The following TTC21B variants were observed in gnomAD, a reference collection of about 807,000 sequenced individuals.
The protein encoded by TTC21B is tetratricopeptide repeat protein 21B.
TTC21B carries 127 observed loss-of-function variants against 175.1 expected under a neutral mutation model. That is an observed-to-expected ratio of 0.73 (90% CI 0.63 to 0.84). The LOEUF is 0.84. Ranked by LOEUF, TTC21B falls within the 40% of genes least tolerant of loss-of-function variation. The probability of loss-of-function intolerance (pLI) is 0.00; values close to 1 mark genes in which losing one functional copy is unlikely to be tolerated. For missense variants in TTC21B, 1,561 were observed against 1,558.3 expected (o/e 1.00, Z -0.03); for synonymous variants, 524 against 524.5 (o/e 1.00, Z 0.01).
intron 17 of TTC21B, 80 bp from the exon 18 acceptor site, chr2:165,911,545 T>C: frequency 6.5e-7 from 1 of 1,533,128 alleles, no homozygotes; most frequent in Non-Finnish European, 9.0e-7. Context: ...CATTACAGAC[T>C]TAAAGCATTG....
intron 3 of TTC21B, chr2:165,948,044 C>T (rs1468293432): frequency 6.6e-6 from 1 of 152,244 alleles, no homozygotes; most frequent in African/African-American, 2.4e-5. Context: ...GCTAAACACA[C>T]TCCCACTGGA....
At chr2:165,941,210 T>A (rs1371104920) in intron 5 of TTC21B, 26 bp from the exon 6 acceptor site, 4 of 1,613,250 alleles carry the variant, frequency 2.5e-6, no homozygotes, top group Admixed American at 1.7e-5. Context: ...AAAAGTGATA[T>A]CCAAACTGTG....
chr2:165,936,342 T>C (rs997987424), intron 6 of TTC21B, among the ~76,000 whole-genome samples: 5 of 151,974 alleles, frequency 3.3e-5, no homozygotes, highest in African/African-American at 1.2e-4. Flanking sequence ...ATGTAAAACA[T>C]AAAACTATAA....
At chr2:165,881,440 T>C (rs567120806) in intron 26 of TTC21B, among the ~76,000 whole-genome samples, 120 of 152,272 alleles carry the variant, frequency 7.9e-4, no homozygotes, top group Non-Finnish European at 1.3e-3. Flanking sequence ...GTCAATGTTT[T>C]GATCTAGTCT....
In TTC21B at chr2:165,873,585, C is replaced by G. The variant is rs1684573082; in HGVS notation, c.*1170G>C. On this transcript the variant is annotated 3_prime_UTR_variant, in exon 29 of 29. Coordinates refer to ENST00000243344, the MANE Select transcript of TTC21B (RefSeq NM_024753.5). ...TGCCTTCACATGGTGTGCTTTGTGACTCCCTGCTGACCAAAAGTATTTGGT... is the reference window on the plus strand; with the variant it reads ...TGCCTTCACATGGTGTGCTTTGTGAGTCCCTGCTGACCAAAAGTATTTGGT... The G allele has an allele frequency of 6.6e-6, 1 of 152,140 alleles. No homozygotes were observed. The highest frequency in any genetic ancestry group is 1.5e-5 in the Non-Finnish European group (1 of 68,040). 9.4% of individuals were successfully genotyped at this position (152,140 alleles called of 1,614,324 possible).
At chr2:165,911,079 G>C in intron 18 of TTC21B, among the ~76,000 whole-genome samples, 1 of 152,144 alleles carries the variant, frequency 6.6e-6, no homozygotes. Flanking sequence ...GTAATTTAAA[G>C]ATAACTATAT....
At chr2:165,890,101 A>G (rs1451631192) in intron 24 of TTC21B, among the ~76,000 whole-genome samples, 4 of 152,218 alleles carry the variant, frequency 2.6e-5, no homozygotes, top group Admixed American at 6.5e-5. Context: ...TGTAGAAAGT[A>G]TAGAGGACAG....
At chr2:165,953,543 C>G (rs6716946) in intron 1 of TTC21B, 142 bp downstream of exon 1, 1 of 1,426,080 alleles carries the variant, frequency 7.0e-7, no homozygotes, top group Non-Finnish European at 9.5e-7. Context: ...AGGCCCACCC[C>G]GCAACCCGAG....
chr2:165,931,986 T>A, intron 7 of TTC21B, 130 bp from the exon 8 acceptor site: 1 of 674,768 alleles, frequency 1.5e-6, no homozygotes. Flanking sequence ...AAATTCCTCC[T>A]CCTTCAATGG....
chr2:165,934,577 A>G, intron 6 of TTC21B, among the ~76,000 whole-genome samples: 1 of 136,658 alleles, frequency 7.3e-6, no homozygotes. Flanking sequence ...GAGTCCATTG[A>G]AAACTGAGGA....
In TTC21B at chr2:165,874,600, T is replaced by C. The variant is rs557228057; in HGVS notation, c.*155A>G. ...ATTAGGAAACACCAATTTCACATAG[T>C]ACTTCTCTTGATGTACAGCAGCAAC... On this transcript the variant is annotated 3_prime_UTR_variant, in exon 29 of 29. Coordinates refer to ENST00000243344, the MANE Select transcript of TTC21B (RefSeq NM_024753.5). The C allele has an allele frequency of 1.7e-5, 11 of 665,372 alleles. No homozygotes were observed. The highest frequency in any genetic ancestry group is 2.7e-5 in the Non-Finnish European group (10 of 370,324). The allele number at this position is 665,372 out of a possible 1,614,324, so 41.2% of individuals were successfully genotyped here.
At position 165,901,753 on chromosome 2, in the gene TTC21B, T is replaced by A. The variant is rs1433947584; in HGVS notation, c.2726A>T (p.Glu909Val). The A allele has an allele frequency of 1.2e-6, 2 of 1,614,020 alleles. No individual in the cohort carries two copies. Among genetic ancestry groups the A allele is most frequent in the African/African-American group, 2.7e-5 (2 of 74,926 alleles). ...ATCTGTTTCGCAGTGAACCAGAGCC[T>A]CTCTATAAAACTTAATTGCTTTTTC... is the stretch of plus-strand genomic sequence containing the variant. ...DYEKAIKFYR[E>V]ALVHCETDNK... The change falls in exon 20 of 29, where the codon GAG becomes GTG. Residue 909 changes from glutamate (E) to valine (V), a missense_variant. Transcript: ENST00000243344.
At position 165,914,682 on chromosome 2, in the gene TTC21B, T is replaced by TGTGTGTGTGTGTACGTGCGCGCGCGCGC. The variant is rs1553511384; in HGVS notation, c.2138+518_2138+519insGCGCGCGCGCGCACGTACACACACACAC. Among the ~76,000 whole-genome samples the TGTGTGTGTGTGTACGTGCGCGCGCGCGC allele has an allele frequency of 5.7e-4, 86 of 149,838 alleles. 1 individual carries two copies. The highest frequency in any genetic ancestry group is 2.0e-3 in the African/African-American group (79 of 40,068). Reference sequence around the variant, plus strand: ...CTGTGTGTGTGTGTGTGTGTGTGTGTGTGTGTGTGTGTGTGTTGTGTATCC... The same window carrying TGTGTGTGTGTGTACGTGCGCGCGCGCGC: ...CTGTGTGTGTGTGTGTGTGTGTGTGTGTGTGTGTGTGTACGTGCGCGCGCGCGCGTGTGTGTGTGTGTGTTGTGTATCC... On this transcript the variant is annotated intron_variant, in intron 15 of 28. Transcript: ENST00000243344.
At chr2:165,884,111 T>A in intron 25 of TTC21B, 93 bp from the exon 26 acceptor site, 2 of 967,090 alleles carry the variant, frequency 2.1e-6, no homozygotes, top group South Asian at 1.4e-5. Flanking sequence ...AAGAACTAGT[T>A]TGTGGATTCT....
At chr2:165,897,297 G>A (rs1685402732) in intron 22 of TTC21B, among the ~76,000 whole-genome samples, 1 of 152,188 alleles carries the variant, frequency 6.6e-6, no homozygotes, top group African/African-American at 2.4e-5. Flanking sequence ...TGTGGAAGAT[G>A]GCAATGCCTT....
intron 26 of TTC21B, among the ~76,000 whole-genome samples, chr2:165,883,225 C>T (rs1366889255): frequency 6.6e-6 from 1 of 152,068 alleles, no homozygotes. Context: ...GTTATAATGA[C>T]ATCTTTTGTA....
At position 165,899,862 on chromosome 2, in the gene TTC21B, G is replaced by A; in HGVS notation, c.2776C>T (p.Arg926Ter). The A allele has an allele frequency of 1.9e-6, 3 of 1,612,482 alleles. No individual in the cohort carries two copies. The highest frequency in any genetic ancestry group is 1.7e-4 in the Middle Eastern group (1 of 6,056). The change falls in exon 21 of 29, where the codon CGA (arginine) becomes TGA (stop). Residue 926 changes from arginine (R) to a stop codon, truncating the protein, a stop_gained. Coordinates refer to ENST00000243344, the MANE Select transcript of TTC21B (RefSeq NM_024753.5). LOFTEE classifies it high-confidence loss of function. The stretch of plus-strand genomic sequence containing the variant: ...GGGTCATCTTGTGCCAGGTATAATC[G>A]TGCCAGTTCCAACATAATCTGTAGA... ...TDNKIMLELARLYLAQDDPDS... is the reference protein window; with the variant it reads ...TDNKIMLELA
intron 22 of TTC21B, among the ~76,000 whole-genome samples, chr2:165,894,178 GCAAA>G (rs1045942338): frequency 1.6e-4 from 24 of 152,200 alleles, no homozygotes; most frequent in African/African-American, 5.8e-4. Flanking sequence ...TAGCTATCAA[GCAAA>G]CAGAGCTGAG....
At chr2:165,950,409 C>T (rs899944484) in intron 1 of TTC21B, among the ~76,000 whole-genome samples, 2 of 152,146 alleles carry the variant, frequency 1.3e-5, no homozygotes, top group South Asian at 2.1e-4. Flanking sequence ...ATTTTTCCTA[C>T]GATTATGTCT....
Sources: gnomAD v4.1 joint callset for allele counts (sites outside exome capture counted in the v4.1 genomes callset) on GRCh38, gnomAD v4.1.1 for gene constraint, MANE v1.5 for transcripts, NCBI Gene and HGNC (gene_info 2026-07-23, HGNC 2026-07-21) for gene names.